PTPRT: variants seen among roughly 807,000 people sequenced by gnomAD.
PTPRT encodes the protein protein tyrosine phosphatase receptor type T.
Under a neutral mutation model 176.8 loss-of-function variants are expected in PTPRT, and 56 were observed. The observed-to-expected ratio is 0.32, with a 90% confidence interval of 0.26 to 0.40. PTPRT has a LOEUF of 0.40. Among genes scored for constraint, PTPRT ranks in the 10% least tolerant of loss-of-function variants. PTPRT has a pLI of 1.00. For missense variants in PTPRT, 1,540 were observed against 1,908.2 expected, an observed-to-expected ratio of 0.81 and a Z score of 3.60; for synonymous variants, 783 against 739.0, an observed-to-expected ratio of 1.06 and a Z score of -0.96.
the PTPRT span, among the ~76,000 whole-genome samples, chr20:42,038,921 C>T: frequency 6.6e-6 from 1 of 152,292 alleles, no homozygotes; most frequent in Admixed American, 6.5e-5. Flanking sequence ...GAAGGCACTT[C>T]CCACAGATAT....
In PTPRT at chr20:43,092,506, A is replaced by G. The variant is rs2011922501; in HGVS notation, c.88+97140T>C. On this transcript the variant is annotated intron_variant, in intron 1 of 30. Coordinates refer to ENST00000373187, the MANE Select transcript of PTPRT (RefSeq NM_007050.6). ...TGTGTTAAGGAGAGACACAAATACTATGTAGACATTAGCACTGCTTGCCAA... is the reference window on the plus strand; with the variant it reads ...TGTGTTAAGGAGAGACACAAATACTGTGTAGACATTAGCACTGCTTGCCAA... 2.0e-5 allele frequency among the ~76,000 whole-genome samples: 3 copies of G among 152,230 alleles called. No individual in the cohort carries two copies. The South Asian group carries it at 6.2e-4, about 32-fold the overall frequency.
At chr20:42,239,418 T>C (rs987239968) in intron 14 of PTPRT, among the ~76,000 whole-genome samples, 16 of 132,844 alleles carry the variant, frequency 1.2e-4, no homozygotes, top group South Asian at 5.3e-4. Context: ...TCTTTCTTTT[T>C]TTTTTTTTTT....
rs573620174 is a variant in PTPRT at position 42,405,464 on chromosome 20, C to T, written c.1560+42756G>A. 3.0e-3 allele frequency among the ~76,000 whole-genome samples: 449 copies of T among 152,110 alleles called. 1 individual carries two copies. The highest frequency in any genetic ancestry group is 4.5e-3 in the Non-Finnish European group (304 of 67,970). On this transcript the variant is annotated intron_variant, in intron 9 of 30. Transcript: ENST00000373187. ...AGTGTTTGGTTTTTTGTCCTTGCGA[C>T]AGTTTGCTGAGAATGATGGTTTCCA...
Position 42,396,925 on chromosome 20 carries a change from GTC to G in PTPRT, c.1561-44642_1561-44641del, listed in dbSNP as rs1236840994. On this transcript the variant is annotated intron_variant, in intron 9 of 30. Coordinates refer to ENST00000373187, the MANE Select transcript of PTPRT (RefSeq NM_007050.6). ...CAGACAGAAATTTGCCTTCCCTCAG[GTC>G]TCTGTTCAAATGCCACCTTTAAAGC... 4.6e-5 allele frequency among the ~76,000 whole-genome samples: 7 copies of G among 152,206 alleles called. No homozygotes were observed. In the East Asian group the frequency reaches 1.4e-3, roughly 29 times the overall value.
chr20:42,210,987 C>T (rs1019579486), intron 15 of PTPRT, among the ~76,000 whole-genome samples: 26 of 151,848 alleles, frequency 1.7e-4, no homozygotes, highest in South Asian at 6.3e-4. Context: ...TCAGAAATAA[C>T]GCCGCATATC....
chr20:42,069,660 C>A (rs1017325940), downstream of PTPRT, among the ~76,000 whole-genome samples: 5 of 152,076 alleles, frequency 3.3e-5, no homozygotes, highest in Non-Finnish European at 5.9e-5. Context: ...TGAAAGATAA[C>A]CACTGTTAAT....
chr20:42,972,594 C>T (rs923602569), intron 1 of PTPRT, among the ~76,000 whole-genome samples: 9 of 134,202 alleles, frequency 6.7e-5, no homozygotes, highest in Non-Finnish European at 9.3e-5. Flanking sequence ...ACCCAGCAGG[C>T]GGAGGTTGCA....
chr20:42,811,730 T>C (rs191667441), intron 2 of PTPRT, among the ~76,000 whole-genome samples: 5 of 152,312 alleles, frequency 3.3e-5, no homozygotes, highest in African/African-American at 9.6e-5. Context: ...TTAACCTTCA[T>C]ACCCTGATCT....
intron 11 of PTPRT, among the ~76,000 whole-genome samples, chr20:42,322,174 G>A (rs1053257586): frequency 6.6e-6 from 1 of 151,836 alleles, no homozygotes; most frequent in African/African-American, 2.4e-5. Context: ...CGTGAAAATG[G>A]CCATACTGCC....
chr20:43,038,412 CAT>C (rs368106370), intron 1 of PTPRT, among the ~76,000 whole-genome samples: 9 of 152,152 alleles, frequency 5.9e-5, no homozygotes, highest in African/African-American at 2.2e-4. Flanking sequence ...AGTAAAACCA[CAT>C]GACAATCTCA....
chr20:42,749,623 C>G (rs548123501), intron 6 of PTPRT, among the ~76,000 whole-genome samples: 47 of 152,164 alleles, frequency 3.1e-4, no homozygotes, highest in Non-Finnish European at 6.3e-4. Context: ...ACAGCACCTA[C>G]GTCATAGGGC....
chr20:42,201,382 C>T (rs901668288), intron 15 of PTPRT, among the ~76,000 whole-genome samples: 1 of 152,164 alleles, frequency 6.6e-6, no homozygotes, highest in African/African-American at 2.4e-5. Context: ...TCACATAGGA[C>T]AAATTCCAGT....
chr20:42,627,094 G>A (rs2074304089), intron 7 of PTPRT, among the ~76,000 whole-genome samples: 1 of 152,138 alleles, frequency 6.6e-6, no homozygotes, highest in Non-Finnish European at 1.5e-5. Flanking sequence ...GGGATGACCG[G>A]GCACATCTAG....
At chr20:42,274,958 T>C (rs2057004369) in intron 13 of PTPRT, among the ~76,000 whole-genome samples, 1 of 152,202 alleles carries the variant, frequency 6.6e-6, no homozygotes, top group Non-Finnish European at 1.5e-5. Context: ...CAGTGGTCAA[T>C]GAATCTCATC....
chr20:43,005,375 T>C (rs1181125856), intron 1 of PTPRT, among the ~76,000 whole-genome samples: 5 of 152,132 alleles, frequency 3.3e-5, no homozygotes, highest in African/African-American at 9.7e-5. Context: ...AAGCTCTGTG[T>C]CACCTCAGGG....
chr20:42,256,554 GA>G (rs113206254), intron 13 of PTPRT, among the ~76,000 whole-genome samples: 4 of 149,394 alleles, frequency 2.7e-5, no homozygotes, highest in Admixed American at 6.6e-5. Context: ...GTTGATACAG[GA>G]AAAAAAAATA....
the PTPRT span, among the ~76,000 whole-genome samples, chr20:42,056,426 G>C: frequency 1.3e-5 from 2 of 152,184 alleles, no homozygotes; most frequent in African/African-American, 4.8e-5. Flanking sequence ...GTGAGATGGA[G>C]GGCTTGGGAG....
intron 7 of PTPRT, among the ~76,000 whole-genome samples, chr20:42,524,524 G>A (rs568929489): frequency 6.6e-6 from 1 of 152,282 alleles, no homozygotes; most frequent in South Asian, 2.1e-4. Context: ...TCCATGGCAA[G>A]TGATCTGTAT....
chr20:42,708,102 T>C (rs4812635), intron 6 of PTPRT, among the ~76,000 whole-genome samples: 22,229 of 152,106 alleles, frequency 0.15, 2,381 homozygotes, highest in East Asian at 0.38. Flanking sequence ...TAATATAGCA[T>C]TAACTTTAAA....
Sources: allele counts gnomAD v4.1 joint callset (sites outside exome capture counted in the v4.1 genomes callset), GRCh38; gene constraint gnomAD v4.1.1; transcripts MANE v1.5; gene names NCBI Gene and HGNC (gene_info 2026-07-23, HGNC 2026-07-21).